Variants in CPLANE1 observed in about 807,000 individuals in gnomAD.
The protein encoded by CPLANE1 is ciliogenesis and planar polarity effector complex subunit 1, also known as ciliogenesis and planar polarity effector 1.
In CPLANE1, 263 loss-of-function variants were observed where a neutral mutation model predicts 362.5. That is an observed-to-expected ratio of 0.73 (90% CI 0.66 to 0.80). The LOEUF is 0.80. Ranked by LOEUF, CPLANE1 falls within the 30% of genes least tolerant of loss-of-function variation. The pLI is 0.00. For synonymous variants in CPLANE1, 1,212 were observed against 1,302.6 expected (o/e 0.93, Z 1.50); for missense variants, 3,461 against 3,793.4 (o/e 0.91, Z 2.30).
At position 37,205,449 on chromosome 5, in the gene CPLANE1, T is replaced by C. The variant is rs754271101; in HGVS notation, c.3155A>G (p.Lys1052Arg). 1.6e-5 allele frequency: 25 copies of C among 1,524,798 alleles called. No individual in the cohort carries two copies. In the Middle Eastern group the frequency reaches 8.4e-4, roughly 51 times the overall value. 94.5% of individuals were successfully genotyped at this position (1,524,798 alleles called of 1,614,324 possible). ...CKRDSNFMRS[K>R]KKSLNLPLRM... is the part of the protein sequence containing the mutation. The stretch of plus-strand genomic sequence containing the variant: ...GAGTGGTAGATTCAGACTCTTTTTC[T>C]TGGACCTGAAATGACATCAAATTAA... The change falls in exon 18 of 53, where the codon AAG becomes AGG. Residue 1052 changes from lysine to arginine, a missense_variant. Physicochemically the swap from Lys to Arg is conservative, Grantham distance 26. Around this residue, in one of 2 missense-constraint regions of CPLANE1, gnomAD observed 3,380 missense variants for 3,666.1 expected, o/e 0.92. Coordinates refer to ENST00000651892, the MANE Select transcript of CPLANE1 (RefSeq NM_001384732.1).
chr5:37,139,503 T>C (rs368241148), intron 44 of CPLANE1, 133 bp from the exon 45 acceptor site: 13 of 1,102,470 alleles, frequency 1.2e-5, no homozygotes, highest in African/African-American at 4.9e-5. Flanking sequence ...TATAGATATA[T>C]ATTTACAGCA....
At chr5:37,131,285 C>A (rs1355858111) in intron 46 of CPLANE1, among the ~76,000 whole-genome samples, 1 of 152,112 alleles carries the variant, frequency 6.6e-6, no homozygotes, top group Non-Finnish European at 1.5e-5. Context: ...CACCCTACTG[C>A]GTGTCAATAG....
At chr5:37,166,247 G>T (rs1778203705) in intron 35 of CPLANE1, among the ~76,000 whole-genome samples, 1 of 152,166 alleles carries the variant, frequency 6.6e-6, no homozygotes, top group South Asian at 2.1e-4. Context: ...ACTACAGTAA[G>T]TGCTCTTCAC....
At chr5:37,122,369 A>G in intron 48 of CPLANE1, 61 bp downstream of exon 48, 1 of 1,268,182 alleles carries the variant, frequency 7.9e-7, no homozygotes. Context: ...CTAAGGCATT[A>G]ATCTATGCCT....
intron 21 of CPLANE1, among the ~76,000 whole-genome samples, chr5:37,195,437 C>CA (rs1787076836): frequency 1.3e-5 from 2 of 151,712 alleles, no homozygotes; most frequent in Non-Finnish European, 2.9e-5. Context: ...CCTGCCTCTA[C>CA]AAAAAATACA....
chr5:37,100,681 T>A, the CPLANE1 span, among the ~76,000 whole-genome samples: 3 of 152,230 alleles, frequency 2.0e-5, no homozygotes, highest in Admixed American at 6.5e-5. Context: ...GGGAACAGCA[T>A]TGAATCTATA....
In CPLANE1 at chr5:37,153,632, G is replaced by T. The variant is rs1479965581; in HGVS notation, c.8373+108C>A. The T allele has an allele frequency of 1.2e-5, 14 of 1,189,442 alleles. No homozygotes were observed. The East Asian group carries it at 3.4e-4, about 29-fold the overall frequency. 73.7% of individuals were successfully genotyped at this position (1,189,442 alleles called of 1,614,324 possible). A position where few individuals can be genotyped will look rare whatever the true frequency, so the allele number is the denominator to read the frequency against. ...TGAGGTTGACAAACCCTAGCTTAAA[G>T]AAAACAAAGTTCTCATTATTTTGAA... On this transcript the variant is annotated intron_variant, in intron 42 of 52. Coordinates refer to ENST00000651892, the MANE Select transcript of CPLANE1 (RefSeq NM_001384732.1).
At chr5:37,159,407 G>A (rs573106344) in intron 38 of CPLANE1, among the ~76,000 whole-genome samples, 63 of 152,114 alleles carry the variant, frequency 4.1e-4, no homozygotes, top group African/African-American at 1.4e-3. Context: ...CACCGCGCCC[G>A]GCCTAATTCA....
intron 42 of CPLANE1, among the ~76,000 whole-genome samples, chr5:37,149,585 A>G (rs1226941795): frequency 6.6e-6 from 1 of 152,212 alleles, no homozygotes; most frequent in Non-Finnish European, 1.5e-5. Context: ...ATGCGTACAT[A>G]CCTATGATAA....
At chr5:37,180,294 G>T in intron 27 of CPLANE1, 111 bp from the exon 28 acceptor site, 1 of 514,430 alleles carries the variant, frequency 1.9e-6, no homozygotes, top group African/African-American at 2.0e-5. Flanking sequence ...CGCCCAGGCT[G>T]GAGTGCAATG....
chr5:37,153,608 G>A, intron 42 of CPLANE1, 132 bp downstream of exon 42: 1 of 853,242 alleles, frequency 1.2e-6, no homozygotes, highest in Non-Finnish European at 1.8e-6. Context: ...CAATAGTGCT[G>A]AGGTTGACAA....
chr5:37,124,228 G>C (rs1763518658), intron 47 of CPLANE1, among the ~76,000 whole-genome samples: 1 of 151,852 alleles, frequency 6.6e-6, no homozygotes. Context: ...AAAAATGAAG[G>C]GATATTGTAT....
chr5:37,224,813 AT>A (rs201028510), intron 12 of CPLANE1, 73 bp from the exon 13 acceptor site: 42,219 of 650,700 alleles, frequency 0.065, no homozygotes, highest in South Asian at 0.12. Flanking sequence ...TTTTTAGCCT[AT>A]TTTTTTTTTT....
chr5:37,245,149 A>G (rs929871320), intron 4 of CPLANE1, among the ~76,000 whole-genome samples: 8 of 151,460 alleles, frequency 5.3e-5, no homozygotes, highest in African/African-American at 1.9e-4. Context: ...GTCTCAAAAA[A>G]AAGAAAAAAA....
intron 44 of CPLANE1, 119 bp from the exon 45 acceptor site, chr5:37,139,489 G>T: frequency 2.8e-6 from 3 of 1,053,740 alleles, no homozygotes; most frequent in South Asian, 2.4e-5. Flanking sequence ...CTTCCAAATT[G>T]GTTTATAGAT....
rs1171783355 is a variant in CPLANE1, at chr5:37,158,223, C to T, written c.7812+1G>A. On this transcript the variant is annotated splice_donor_variant, in intron 39 of 52. Coordinates refer to ENST00000651892, the MANE Select transcript of CPLANE1 (RefSeq NM_001384732.1). LOFTEE classifies it high-confidence loss of function. ...TTAAAACTTCTGAATAAAACACAAA[C>T]CAAGTTTGTTACTGTATGAGGTATT... is the stretch of plus-strand genomic sequence containing the variant. The T allele has an allele frequency of 1.2e-6, 2 of 1,612,876 alleles. No individual in the cohort carries two copies. The highest frequency in any genetic ancestry group is 2.7e-5 in the African/African-American group (2 of 74,846).
At position 37,221,491 on chromosome 5, in the gene CPLANE1, G is replaced by A; in HGVS notation, c.2582-3C>T. 6.7e-7 allele frequency: 1 copy of A among 1,488,678 alleles called. No individual in the cohort carries two copies. Among genetic ancestry groups the A allele is most frequent in the Non-Finnish European group, 8.9e-7 (1 of 1,123,862 alleles). 92.2% of individuals were successfully genotyped at this position (1,488,678 alleles called of 1,614,324 possible). ...AAGAAAATACGTCCTTCTTCCTCCT[G>A]AAACAAGAAGTAAGCTCACCTTAAA... is the stretch of plus-strand genomic sequence containing the variant. On this transcript the variant is annotated splice_region_variant and splice_polypyrimidine_tract_variant and intron_variant, in intron 14 of 52. Transcript: ENST00000651892.
chr5:37,190,210 G>A (rs748931622), intron 21 of CPLANE1, among the ~76,000 whole-genome samples: 3 of 151,930 alleles, frequency 2.0e-5, no homozygotes, highest in African/African-American at 4.8e-5. Context: ...CTAGACAAAC[G>A]ATCGAGTTTC....
intron 44 of CPLANE1, chr5:37,141,969 TA>T (rs1462013240): frequency 1.8e-6 from 1 of 560,352 alleles, no homozygotes; most frequent in Non-Finnish European, 2.3e-6. Context: ...TGATGGCTAC[TA>T]TTTTGTTTTC....
Sources: gnomAD v4.1 joint callset for allele counts (sites outside exome capture counted in the v4.1 genomes callset) on GRCh38, gnomAD v4.1.1 for gene constraint, gnomAD v4.1.1 regional missense constraint, MANE v1.5 for transcripts, NCBI Gene and HGNC (gene_info 2026-07-23, HGNC 2026-07-21) for gene names.